ZC3H12C: variants seen among roughly 807,000 people sequenced by gnomAD.
ZC3H12C encodes probable ribonuclease ZC3H12C.
Under a neutral mutation model 76.3 loss-of-function variants are expected in ZC3H12C, and 20 were observed. The ratio of observed to expected loss-of-function variants is 0.26; its 90% CI spans 0.18 to 0.38. The LOEUF (loss-of-function observed/expected upper bound fraction) is 0.38. ZC3H12C is among the 10% of genes least tolerant of loss of function. ZC3H12C has a pLI of 1.00. For synonymous variants in ZC3H12C, 352 were observed against 399.6 expected (o/e 0.88, Z 1.42); for missense variants, 874 against 1,086.5 (o/e 0.80, Z 2.75).
chr11:110,108,882 T>C (rs1425999866), intron 1 of ZC3H12C, among the ~76,000 whole-genome samples: 3 of 152,234 alleles, frequency 2.0e-5, no homozygotes, highest in Non-Finnish European at 4.4e-5. Context: ...TTCTTGATAC[T>C]TCCTTCATCT....
chr11:110,129,561 T>A (rs1861822016), intron 1 of ZC3H12C, among the ~76,000 whole-genome samples: 1 of 152,186 alleles, frequency 6.6e-6, no homozygotes, highest in Admixed American at 6.5e-5. Context: ...TTTGATTGTT[T>A]TGGGTACTTT....
At chr11:110,102,887 C>T (rs1012869060) in intron 1 of ZC3H12C, among the ~76,000 whole-genome samples, 9 of 152,172 alleles carry the variant, frequency 5.9e-5, no homozygotes, top group African/African-American at 9.7e-5. Context: ...CTCAGATAAT[C>T]ATTAGAATTT....
chr11:110,099,561 T>G (rs570555751), intron 1 of ZC3H12C, among the ~76,000 whole-genome samples: 1 of 152,200 alleles, frequency 6.6e-6, no homozygotes, highest in African/African-American at 2.4e-5. Context: ...CAGGTTAATA[T>G]TTTGATATAT....
intron 1 of ZC3H12C, among the ~76,000 whole-genome samples, chr11:110,096,199 A>G (rs1861109369): frequency 6.6e-6 from 1 of 152,232 alleles, no homozygotes; most frequent in South Asian, 2.1e-4. Context: ...TTTAAGAAAG[A>G]TCTATTTCAC....
intron 3 of ZC3H12C, among the ~76,000 whole-genome samples, chr11:110,156,068 T>G: frequency 9.3e-6 from 1 of 107,442 alleles, no homozygotes; most frequent in South Asian, 3.3e-4. Flanking sequence ...CTGGAACACA[T>G]CAGTATGCAG....
At chr11:110,116,526 G>T (rs1199775367) in intron 1 of ZC3H12C, among the ~76,000 whole-genome samples, 1 of 152,064 alleles carries the variant, frequency 6.6e-6, no homozygotes, top group Non-Finnish European at 1.5e-5. Context: ...AGAACTAATG[G>T]GACACAGTTA....
intron 1 of ZC3H12C, among the ~76,000 whole-genome samples, chr11:110,110,724 T>C (rs1444204068): frequency 2.0e-5 from 3 of 151,862 alleles, no homozygotes; most frequent in African/African-American, 7.3e-5. Flanking sequence ...TCTGAGTACA[T>C]TGAGAGAGCC....
intron 3 of ZC3H12C, among the ~76,000 whole-genome samples, 161 bp from the exon 4 acceptor site, chr11:110,159,095 A>C (rs182405831): frequency 4.1e-4 from 62 of 152,326 alleles, no homozygotes; most frequent in African/African-American, 1.5e-3. Context: ...AATACTATTG[A>C]GAGTTGGAAA....
At chr11:110,155,324 T>TA (rs1418204742) in intron 3 of ZC3H12C, among the ~76,000 whole-genome samples, 3 of 150,676 alleles carry the variant, frequency 2.0e-5, no homozygotes, top group African/African-American at 7.3e-5. Flanking sequence ...TAGCGGAAAG[T>TA]AAAAAACTGA....
At chr11:110,098,008 C>G (rs929947577) in intron 1 of ZC3H12C, among the ~76,000 whole-genome samples, 4 of 152,130 alleles carry the variant, frequency 2.6e-5, no homozygotes, top group Non-Finnish European at 2.9e-5. Context: ...AGAGTGTACT[C>G]CTTCTACTTA....
At chr11:110,095,560 T>C (rs566916789) in intron 1 of ZC3H12C, among the ~76,000 whole-genome samples, 27 of 152,384 alleles carry the variant, frequency 1.8e-4, no homozygotes, top group African/African-American at 5.0e-4. Flanking sequence ...GAAACTGGTA[T>C]GCTTCTGTTC....
At chr11:110,118,860 C>G (rs1861606516) in intron 1 of ZC3H12C, among the ~76,000 whole-genome samples, 1 of 151,998 alleles carries the variant, frequency 6.6e-6, no homozygotes, top group South Asian at 2.1e-4. Context: ...GTAAAGAAAT[C>G]TAGGGAACTC....
intron 4 of ZC3H12C, among the ~76,000 whole-genome samples, chr11:110,160,914 G>A (rs1351556122): frequency 6.6e-6 from 1 of 152,004 alleles, no homozygotes; most frequent in African/African-American, 2.4e-5. Flanking sequence ...TCAGCTCACT[G>A]CAACCTCCGT....
rs778423598 is a variant in ZC3H12C, at chr11:110,171,162, T to G, written c.*5425T>G. 1 of 152,194 alleles carries G rather than the reference T, an allele frequency of 6.6e-6. No homozygotes were observed. The highest frequency in any genetic ancestry group is 2.4e-5 in the African/African-American group (1 of 41,462). 9.4% of individuals were successfully genotyped at this position (152,194 alleles called of 1,614,324 possible). On this transcript the variant is annotated 3_prime_UTR_variant, in exon 6 of 6. Transcript: ENST00000278590. ...CCACCTTTCTTAAAGCAGCGTATGTTCCAAGGGAAAAAGGCATTGAAAAGC... is the reference window on the plus strand; with the variant it reads ...CCACCTTTCTTAAAGCAGCGTATGTGCCAAGGGAAAAAGGCATTGAAAAGC...
intron 1 of ZC3H12C, among the ~76,000 whole-genome samples, chr11:110,108,126 TTTTG>T (rs1432267777): frequency 1.3e-5 from 2 of 152,038 alleles, no homozygotes; most frequent in Non-Finnish European, 2.9e-5. Flanking sequence ...TTTTGTTTTG[TTTTG>T]TTTTTGGTAG....
intron 1 of ZC3H12C, among the ~76,000 whole-genome samples, chr11:110,117,105 G>A (rs1861539859): frequency 6.6e-6 from 1 of 152,204 alleles, no homozygotes; most frequent in Non-Finnish European, 1.5e-5. Flanking sequence ...TTGCCATTGA[G>A]AGCAAGTTCT....
Position 110,136,801 on chromosome 11 carries a change from T to C in ZC3H12C, c.160T>C (p.Leu54=). 6.2e-7 allele frequency: 1 copy of C among 1,613,914 alleles called. No individual in the cohort carries two copies. The highest frequency in any genetic ancestry group is 1.1e-5 in the South Asian group (1 of 91,078). Residue 54 remains leucine (L), a synonymous_variant, in exon 2 of 6, where the codon TTA becomes CTA. Coordinates refer to ENST00000278590, the MANE Select transcript of ZC3H12C (RefSeq NM_033390.2). ...HLYVESTDPQ[L]SPAVPWSTVE... is the part of the protein sequence containing the mutation. Reference sequence around the variant, plus strand: ...TTATGTGGAGAGCACTGACCCACAGTTAAGTCCAGCTGTACCTTGGTCAAC... The same window carrying C: ...TTATGTGGAGAGCACTGACCCACAGCTAAGTCCAGCTGTACCTTGGTCAAC...
Position 110,159,374 on chromosome 11 carries a change from T to C in ZC3H12C, c.1032T>C (p.Phe344=). 1.2e-6 allele frequency: 2 copies of C among 1,614,116 alleles called. No homozygotes were observed. The highest frequency in any genetic ancestry group is 1.7e-6 in the Non-Finnish European group (2 of 1,179,998). The change falls in exon 4 of 6, where the codon TTT becomes TTC. Residue 344 remains phenylalanine (F), a synonymous_variant. Transcript: ENST00000278590. ...ACAGGTTCATCGTGAAGCTGGCTTT[T>C]GAGTCGGACGGTATCATTGTGTCCA... The part of the protein sequence containing the change: ...YDDRFIVKLA[F]ESDGIIVSND...
intron 1 of ZC3H12C, among the ~76,000 whole-genome samples, chr11:110,096,886 C>T (rs567381999): frequency 1.3e-5 from 2 of 152,314 alleles, no homozygotes; most frequent in South Asian, 4.2e-4. Flanking sequence ...CAAAAGACTC[C>T]AGTTTCAGTC....
Sources: allele counts gnomAD v4.1 joint callset (sites outside exome capture counted in the v4.1 genomes callset), GRCh38; gene constraint gnomAD v4.1.1; transcripts MANE v1.5; gene names NCBI Gene and HGNC (gene_info 2026-07-23, HGNC 2026-07-21).